PLXDC2: variants seen among roughly 807,000 people sequenced by gnomAD.
PLXDC2 encodes the protein plexin domain-containing protein 2.
Under a neutral mutation model 68.9 loss-of-function variants are expected in PLXDC2, and 40 were observed. That is an observed-to-expected ratio of 0.58 (90% CI 0.45 to 0.76). PLXDC2 has a LOEUF of 0.76. Ranked by LOEUF, PLXDC2 falls within the 30% of genes least tolerant of loss-of-function variation. The pLI is 0.00. For missense variants in PLXDC2, 644 were observed against 661.9 expected, an observed-to-expected ratio of 0.97 and a Z score of 0.30; for synonymous variants, 243 against 234.2, an observed-to-expected ratio of 1.04 and a Z score of -0.34.
chr10:20,228,953 T>C (rs1303171088), intron 12 of PLXDC2, among the ~76,000 whole-genome samples: 2 of 152,126 alleles, frequency 1.3e-5, no homozygotes, highest in Admixed American at 6.5e-5. Context: ...CAGTCCACCA[T>C]TGTACAATCT....
In PLXDC2 at chr10:20,282,835, T is replaced by C. The variant is rs954321899; in HGVS notation, c.*3016T>C. 2.0e-5 allele frequency: 3 copies of C among 152,236 alleles called. No homozygotes were observed. The South Asian group carries it at 6.2e-4, about 31-fold the overall frequency. 9.4% of individuals were successfully genotyped at this position (152,236 alleles called of 1,614,324 possible). On this transcript the variant is annotated 3_prime_UTR_variant, in exon 14 of 14. Coordinates refer to ENST00000377252, the MANE Select transcript of PLXDC2 (RefSeq NM_032812.9). ...AAAAGTGCAATTGACCCCCAATTAC[T>C]ATTTTAGTTTGAGGTATCAAGGGCA...
chr10:20,151,362 T>C (rs1421103683), intron 6 of PLXDC2, among the ~76,000 whole-genome samples: 1 of 152,186 alleles, frequency 6.6e-6, no homozygotes, highest in East Asian at 1.9e-4. Flanking sequence ...TTTAATATCC[T>C]AAGTATTTTA....
chr10:20,161,977 G>A (rs542774335), intron 6 of PLXDC2, among the ~76,000 whole-genome samples: 1 of 151,504 alleles, frequency 6.6e-6, no homozygotes, highest in South Asian at 2.1e-4. Context: ...AGACAAGATT[G>A]TGCCATTGCA....
At chr10:20,014,349 C>T (rs1395497133) in intron 2 of PLXDC2, among the ~76,000 whole-genome samples, 2 of 121,244 alleles carry the variant, frequency 1.6e-5, no homozygotes, top group South Asian at 3.0e-4. Context: ...TCCCTCCCTC[C>T]TTCCCTTTCC....
At chr10:20,101,277 T>A (rs1833418556) in intron 4 of PLXDC2, among the ~76,000 whole-genome samples, 1 of 152,166 alleles carries the variant, frequency 6.6e-6, no homozygotes, top group South Asian at 2.1e-4. Flanking sequence ...TCAGAAAGTT[T>A]GTGTTGATTC....
At chr10:20,240,943 G>A (rs1835507677) in intron 12 of PLXDC2, among the ~76,000 whole-genome samples, 1 of 152,104 alleles carries the variant, frequency 6.6e-6, no homozygotes, top group South Asian at 2.1e-4. Context: ...CATACTCATA[G>A]ATCTCTAAAT....
At chr10:20,257,740 C>T (rs1365695529) in intron 13 of PLXDC2, among the ~76,000 whole-genome samples, 6 of 152,148 alleles carry the variant, frequency 3.9e-5, no homozygotes, top group Admixed American at 3.9e-4. Flanking sequence ...AAGAAAGTGA[C>T]ATAGAGCCAG....
At chr10:19,927,684 G>A (rs11011681) in intron 1 of PLXDC2, among the ~76,000 whole-genome samples, 20,573 of 118,034 alleles carry the variant, frequency 0.17, 1,770 homozygotes, top group South Asian at 0.29. Context: ...CTGGGTGACA[G>A]AGTGAGACTC....
intron 1 of PLXDC2, among the ~76,000 whole-genome samples, chr10:19,980,548 A>G (rs1046228926): frequency 1.3e-5 from 2 of 152,164 alleles, no homozygotes; most frequent in African/African-American, 4.8e-5. Context: ...TCTGTTTGCT[A>G]TGTTCTCACA....
intron 1 of PLXDC2, among the ~76,000 whole-genome samples, chr10:19,975,920 C>T (rs914768317): frequency 3.9e-5 from 6 of 152,008 alleles, no homozygotes; most frequent in African/African-American, 1.2e-4. Flanking sequence ...AGGAGAATGG[C>T]TTGAACCTGG....
At chr10:19,957,446 A>G (rs537654930) in intron 1 of PLXDC2, among the ~76,000 whole-genome samples, 4 of 152,272 alleles carry the variant, frequency 2.6e-5, no homozygotes, top group African/African-American at 9.6e-5. Flanking sequence ...TCATGCACAC[A>G]TTTGGATTAC....
At chr10:20,117,301 A>G (rs1323819786) in intron 4 of PLXDC2, among the ~76,000 whole-genome samples, 1 of 152,260 alleles carries the variant, frequency 6.6e-6, no homozygotes, top group Non-Finnish European at 1.5e-5. Flanking sequence ...TACCATGTTC[A>G]TGGATTGGGG....
chr10:20,191,438 A>G (rs1379370755), intron 9 of PLXDC2, among the ~76,000 whole-genome samples: 1 of 151,872 alleles, frequency 6.6e-6, no homozygotes, highest in Non-Finnish European at 1.5e-5. Context: ...AAAAATACAC[A>G]GATTTTATAT....
intron 1 of PLXDC2, among the ~76,000 whole-genome samples, chr10:19,985,074 T>A (rs1415099040): frequency 2.0e-5 from 3 of 152,242 alleles, no homozygotes; most frequent in Non-Finnish European, 1.5e-5. Context: ...CTGCGAAGGC[T>A]TATTTTCTGT....
intron 1 of PLXDC2, among the ~76,000 whole-genome samples, chr10:19,950,312 A>C (rs1290889746): frequency 2.0e-5 from 3 of 152,224 alleles, no homozygotes; most frequent in African/African-American, 7.2e-5. Context: ...ACTTCAGTAA[A>C]GTTTCGGGGT....
chr10:20,048,514 G>A (rs75822655), intron 3 of PLXDC2, among the ~76,000 whole-genome samples: 5,688 of 152,048 alleles, frequency 0.037, 143 homozygotes, highest in African/African-American at 0.062. Context: ...TGTCTTTCTG[G>A]GATCTATTGC....
At chr10:19,829,154 C>CTTTTTTT (rs71388870) in intron 1 of PLXDC2, among the ~76,000 whole-genome samples, 11 of 94,426 alleles carry the variant, frequency 1.2e-4, no homozygotes, top group African/African-American at 4.9e-4. Context: ...ACGCTTTCCT[C>CTTTTTTT]TTTTTTTTTT....
chr10:19,816,961 G>T lies in PLXDC2; in HGVS notation c.-119G>T. 1.5e-6 allele frequency: 1 copy of T among 673,808 alleles called. No individual in the cohort carries two copies. Among genetic ancestry groups the T allele is most frequent in the Non-Finnish European group, 2.5e-6 (1 of 397,440 alleles). The allele number at this position is 673,808 out of a possible 1,614,324, so 41.7% of individuals were successfully genotyped here. ...TGAAATCGCAGCGACATTTACAAAG[G>T]CCTCCGGGTCCTACCGAGACCGATC... On this transcript the variant is annotated 5_prime_UTR_variant, in exon 1 of 14. Coordinates refer to ENST00000377252, the MANE Select transcript of PLXDC2 (RefSeq NM_032812.9).
At chr10:20,050,708 AAAAC>A (rs1258950229) in intron 3 of PLXDC2, among the ~76,000 whole-genome samples, 7 of 152,000 alleles carry the variant, frequency 4.6e-5, no homozygotes, top group Middle Eastern at 3.4e-3. Flanking sequence ...AAAAAAAACA[AAAAC>A]AAAACAAACA....
Sources: allele counts gnomAD v4.1 joint callset (sites outside exome capture counted in the v4.1 genomes callset), GRCh38; gene constraint gnomAD v4.1.1; transcripts MANE v1.5; gene names NCBI Gene and HGNC (gene_info 2026-07-23, HGNC 2026-07-21).